Variants in CHAF1A observed in about 807,000 individuals in gnomAD.
CHAF1A encodes the protein chromatin assembly factor 1 subunit A.
A neutral mutation model predicts 93.2 loss-of-function variants in CHAF1A; 5 were observed. The observed-to-expected ratio is 0.05, with a 90% CI of 0.03 to 0.11. The LOEUF is 0.11. Among genes scored for constraint, CHAF1A ranks in the 10% least tolerant of loss-of-function variants. The pLI is 1.00. For missense variants in CHAF1A, 1,102 were observed against 1,259.9 expected, an observed-to-expected ratio of 0.87 and a Z score of 1.90; for synonymous variants, 504 against 510.3, an observed-to-expected ratio of 0.99 and a Z score of 0.17.
chr19:4,427,131 CCT>C (rs374219744), intron 7 of CHAF1A, among the ~76,000 whole-genome samples: 101 of 72,280 alleles, frequency 1.4e-3, no homozygotes, highest in Middle Eastern at 8.8e-3. Context: ...AAAAAAAGAC[CCT>C]GTCTTTTTTT....
At chr19:4,430,747 C>A in intron 11 of CHAF1A, 106 bp downstream of exon 11, 1 of 1,204,406 alleles carries the variant, frequency 8.3e-7, no homozygotes, top group Non-Finnish European at 1.2e-6. Context: ...CCCAACCATA[C>A]GAGATTTGGA....
downstream of CHAF1A, chr19:4,448,968 G>C (rs1974599425): frequency 6.5e-6 from 1 of 154,796 alleles, no homozygotes; most frequent in Non-Finnish European, 1.4e-5. Context: ...GCTGGAAGAC[G>C]GATACCCCCA....
chr19:4,404,705 A>C (rs372659486), intron 1 of CHAF1A, among the ~76,000 whole-genome samples: 1 of 152,182 alleles, frequency 6.6e-6, no homozygotes. Context: ...TACGTAGATT[A>C]ACCAAAATAA....
downstream of CHAF1A, chr19:4,448,229 G>A (rs932096718): frequency 1.0e-5 from 12 of 1,196,974 alleles, no homozygotes; most frequent in Non-Finnish European, 1.4e-5. Flanking sequence ...AGCAGGTAAT[G>A]AGGGGGCCAG....
chr19:4,414,629 G>GA (rs1973866386), intron 3 of CHAF1A, among the ~76,000 whole-genome samples: 1 of 152,122 alleles, frequency 6.6e-6, no homozygotes, highest in African/African-American at 2.4e-5. Context: ...TATTGGGATG[G>GA]AAAGATGGAG....
At chr19:4,443,978 C>T (rs976071197), downstream of CHAF1A, among the ~76,000 whole-genome samples, 11 of 152,320 alleles carry the variant, frequency 7.2e-5, no homozygotes, top group South Asian at 2.1e-4. Context: ...GTGTCAGCTA[C>T]CTCCATCCAC....
At chr19:4,415,064 C>G (rs1041679586) in intron 3 of CHAF1A, among the ~76,000 whole-genome samples, 7 of 151,966 alleles carry the variant, frequency 4.6e-5, no homozygotes, top group Non-Finnish European at 1.0e-4. Context: ...TTGGGATTGT[C>G]GGTTTTTGTG....
chr19:4,428,978 G>A (rs1974133006), intron 8 of CHAF1A, 88 bp downstream of exon 8: 1 of 1,078,722 alleles, frequency 9.3e-7, no homozygotes, highest in African/African-American at 1.6e-5. Flanking sequence ...TGGGAGCTCT[G>A]GGTCCTTCTG....
intron 4 of CHAF1A, among the ~76,000 whole-genome samples, chr19:4,418,376 A>G (rs898895462): frequency 1.3e-5 from 2 of 151,080 alleles, no homozygotes; most frequent in Non-Finnish European, 2.9e-5. Context: ...ATTACCTTCC[A>G]AAAACCCAGT....
chr19:4,402,658 CCGCGGCGGCAGCAGCGG>C lies in CHAF1A; in HGVS notation c.-99_-83del, dbSNP rs1164031424. On this transcript the variant is annotated 5_prime_UTR_variant, in exon 1 of 15. Transcript: ENST00000301280. ...TTCCCGCCAAATACGAGCGCGGCGG[CCGCGGCGGCAGCAGCGG>C]CGCGGGCGGGAGGGCGAAGAGCAGC... is the stretch of plus-strand genomic sequence containing the variant. 4.1e-6 allele frequency: 3 copies of C among 736,286 alleles called. No individual in the cohort carries two copies. The highest frequency in any genetic ancestry group is 1.9e-5 in the African/African-American group (1 of 53,410). 45.6% of individuals were successfully genotyped at this position (736,286 alleles called of 1,614,324 possible). A position where few individuals can be genotyped will look rare whatever the true frequency, so the allele number is the denominator to read the frequency against.
chr19:4,446,595 G>A (rs566398192), downstream of CHAF1A: 188 of 1,612,658 alleles, frequency 1.2e-4, no homozygotes, highest in East Asian at 6.9e-4. Flanking sequence ...GCTGGAAGAC[G>A]CGGCGCTGCC....
downstream of CHAF1A, among the ~76,000 whole-genome samples, chr19:4,443,698 T>C (rs995207866): frequency 3.3e-5 from 5 of 152,182 alleles, no homozygotes; most frequent in African/African-American, 1.2e-4. Flanking sequence ...GAGCCGAGTT[T>C]GGCTTCGAGT....
In CHAF1A at chr19:4,433,555, C is replaced by T. The variant is rs1974229577; in HGVS notation, c.2673+16C>T. On this transcript the variant is annotated intron_variant, in intron 13 of 14. Coordinates refer to ENST00000301280, the MANE Select transcript of CHAF1A (RefSeq NM_005483.3). This position sits in a 1 kb window ranked among gnomAD's most constrained non-coding sequence, Gnocchi z 5.6. ...CGACGGCCAGGTGAGGTGGGGTGGG[C>T]AGGTGGGGGCCTCTGCAGGGCTTTT... The T allele has an allele frequency of 1.3e-5, 20 of 1,542,494 alleles. No individual in the cohort carries two copies. The highest frequency in any genetic ancestry group is 1.8e-5 in the Non-Finnish European group (20 of 1,134,144).
chr19:4,407,465 A>G (rs60972417), intron 2 of CHAF1A, among the ~76,000 whole-genome samples: 2,154 of 152,196 alleles, frequency 0.014, 44 homozygotes, highest in African/African-American at 0.049. Context: ...GCCAGGAGAA[A>G]AAAAAAAAAC....
At chr19:4,445,349 T>G (rs1038193861), downstream of CHAF1A, 13 of 1,371,382 alleles carry the variant, frequency 9.5e-6, no homozygotes, top group Non-Finnish European at 1.3e-5. Flanking sequence ...GGGGCCCAAT[T>G]CCACAGCTCC....
At chr19:4,448,900 G>A (rs1047209028), downstream of CHAF1A, 6 of 163,584 alleles carry the variant, frequency 3.7e-5, no homozygotes, top group African/African-American at 1.4e-4. Flanking sequence ...TCACAGGGAT[G>A]GCAGGTGGCA....
chr19:4,406,738 T>A (rs1973688270), intron 2 of CHAF1A, among the ~76,000 whole-genome samples: 1 of 152,136 alleles, frequency 6.6e-6, no homozygotes, highest in Non-Finnish European at 1.5e-5. Flanking sequence ...CGGCCCAGAT[T>A]GTATTTTTAG....
intron 12 of CHAF1A, 119 bp from the exon 13 acceptor site, chr19:4,432,951 C>A: frequency 2.5e-6 from 2 of 786,992 alleles, no homozygotes; most frequent in East Asian, 2.7e-5. Flanking sequence ...CACCTATCCC[C>A]GAAGCTGGCC....
At chr19:4,428,623 C>A in intron 7 of CHAF1A, 41 bp from the exon 8 acceptor site, 1 of 1,551,104 alleles carries the variant, frequency 6.4e-7, no homozygotes, top group Non-Finnish European at 8.9e-7. Flanking sequence ...CTCCTTTCTC[C>A]CATTGCTCGA....
Sources: allele counts gnomAD v4.1 joint callset (sites outside exome capture counted in the v4.1 genomes callset), GRCh38; gene constraint gnomAD v4.1.1; non-coding constraint Gnocchi (gnomAD v3.1); transcripts MANE v1.5; gene names NCBI Gene and HGNC (gene_info 2026-07-23, HGNC 2026-07-21).